Variants in TENT4B observed in about 807,000 individuals in gnomAD.
The protein encoded by TENT4B is terminal nucleotidyltransferase 4B, also known as PAP associated domain containing 5.
In TENT4B, 10 loss-of-function variants were observed where a neutral mutation model predicts 75.0. The observed-to-expected ratio is 0.13, with a 90% CI of 0.08 to 0.23. The LOEUF (loss-of-function observed/expected upper bound fraction) is 0.23. Ranked by LOEUF, TENT4B falls within the 10% of genes least tolerant of loss-of-function variation. The pLI is 1.00. For missense variants in TENT4B, 579 were observed against 893.8 expected (o/e 0.65, Z 4.49); for synonymous variants, 350 against 357.7 (o/e 0.98, Z 0.24).
intron 2 of TENT4B, among the ~76,000 whole-genome samples, chr16:50,212,429 C>T (rs1177376599): frequency 6.6e-6 from 1 of 152,072 alleles, no homozygotes; most frequent in East Asian, 1.9e-4. Context: ...TTTGTGTATG[C>T]AAAGAAGTAC....
At chr16:50,182,053 G>A (rs2038425961) in intron 1 of TENT4B, among the ~76,000 whole-genome samples, 1 of 152,152 alleles carries the variant, frequency 6.6e-6, no homozygotes, top group African/African-American at 2.4e-5. Flanking sequence ...GATTGCTTGA[G>A]CTCAGGAGTT....
intron 5 of TENT4B, among the ~76,000 whole-genome samples, chr16:50,221,918 C>T (rs1488835738): frequency 1.3e-5 from 2 of 152,094 alleles, no homozygotes; most frequent in Non-Finnish European, 1.5e-5. Context: ...CTCCCACCAC[C>T]ACTCCTGGCT....
intron 5 of TENT4B, among the ~76,000 whole-genome samples, chr16:50,218,662 T>G (rs899456745): frequency 6.6e-6 from 1 of 152,208 alleles, no homozygotes; most frequent in African/African-American, 2.4e-5. Context: ...GTACTTTTTT[T>G]TTTCCTAAAC....
intron 1 of TENT4B, among the ~76,000 whole-genome samples, chr16:50,184,721 ATTTTG>A (rs201803241): frequency 6.7e-6 from 1 of 150,154 alleles, no homozygotes; most frequent in Non-Finnish European, 1.5e-5. Context: ...GTTTTTTTTT[ATTTTG>A]TTTTGTTTTG....
chr16:50,215,790 C>A (rs955320494), intron 3 of TENT4B, among the ~76,000 whole-genome samples: 2 of 152,126 alleles, frequency 1.3e-5, no homozygotes, highest in African/African-American at 4.8e-5. Context: ...AAAGAAAATA[C>A]ATGAAGTGCT....
At chr16:50,166,780 A>ATTTTTTTTT (rs57856238) in intron 1 of TENT4B, among the ~76,000 whole-genome samples, 33 of 115,268 alleles carry the variant, frequency 2.9e-4, no homozygotes, top group African/African-American at 8.3e-4. Context: ...TGCCTGGCTA[A>ATTTTTTTTT]TTTTTTTTTT....
At chr16:50,183,521 C>CTT (rs34736585) in intron 1 of TENT4B, among the ~76,000 whole-genome samples, 60 of 119,628 alleles carry the variant, frequency 5.0e-4, no homozygotes, top group African/African-American at 1.5e-3. Context: ...CTTAAAAACC[C>CTT]TTTTTTTTTT....
Position 50,222,359 on chromosome 16 carries a change from G to A in TENT4B, c.1092G>A (p.Gln364=). ...TAGTATTGAAACAATTCCTATTGCA[G>A]AGGGACCTTAATGAAGTATTTACAG... ...LVLVLKQFLL[Q]RDLNEVFTGG... The change falls in exon 6 of 12, where the codon CAG becomes CAA. Residue 364 remains glutamine, a synonymous_variant. Coordinates refer to ENST00000561678, the MANE Select transcript of TENT4B (RefSeq NM_001365324.3). 1 of 1,611,564 alleles carries A rather than the reference G, an allele frequency of 6.2e-7. No homozygotes were observed. Among genetic ancestry groups the A allele is most frequent in the South Asian group, 1.1e-5 (1 of 90,710 alleles).
At chr16:50,207,898 C>T (rs956533686) in intron 1 of TENT4B, among the ~76,000 whole-genome samples, 5 of 152,222 alleles carry the variant, frequency 3.3e-5, no homozygotes, top group Non-Finnish European at 7.3e-5. Context: ...ATATGCAAGG[C>T]ACTGTGCCAG....
At position 50,153,317 on chromosome 16, in the gene TENT4B, C is replaced by T. The variant is rs1244510643; in HGVS notation, c.-305C>T. 6.9e-6 allele frequency among the ~76,000 whole-genome samples: 1 copy of T among 145,260 alleles called. No individual in the cohort carries two copies. The highest frequency in any genetic ancestry group is 2.1e-4 in the South Asian group (1 of 4,752). ...CGCCGCCGCTCGCTCTTCTGTGGAG[C>T]CGCCGCCGCCGCCGCCGCCATTTGC... is the stretch of plus-strand genomic sequence containing the variant. On this transcript the variant is annotated 5_prime_UTR_variant, in exon 1 of 12. Transcript: ENST00000561678.
intron 1 of TENT4B, among the ~76,000 whole-genome samples, chr16:50,169,734 G>C (rs1045580837): frequency 6.6e-6 from 1 of 152,190 alleles, no homozygotes; most frequent in Non-Finnish European, 1.5e-5. Flanking sequence ...AAGCAAGGCA[G>C]GTCACAGGAA....
At position 50,229,901 on chromosome 16, in the gene TENT4B, T is replaced by C. The variant is rs1054690764; in HGVS notation, c.*573T>C. 3.3e-6 allele frequency: 3 copies of C among 917,580 alleles called. No homozygotes were observed. The African/African-American group carries it at 5.4e-5, about 17-fold the overall frequency. The allele number at this position is 917,580 out of a possible 1,614,324, so 56.8% of individuals were successfully genotyped here. On this transcript the variant is annotated 3_prime_UTR_variant, in exon 12 of 12. Coordinates refer to ENST00000561678, the MANE Select transcript of TENT4B (RefSeq NM_001365324.3). ...GTTAATAATACTTTTTACATAACAT[T>C]ACTGTTTAAATTGTAAACAGATTTT...
chr16:50,230,623 C>G lies in TENT4B; in HGVS notation c.*1295C>G. 1.0e-6 allele frequency: 1 copy of G among 984,474 alleles called. No individual in the cohort carries two copies. Among genetic ancestry groups the G allele is most frequent in the Non-Finnish European group, 1.2e-6 (1 of 828,770 alleles). 61.0% of individuals were successfully genotyped at this position (984,474 alleles called of 1,614,324 possible). ...ATTAAGACCAAATACTTCTTGTCAT[C>G]CCATTCTTTATCCTCTTCTTTCATG... On this transcript the variant is annotated 3_prime_UTR_variant, in exon 12 of 12. Coordinates refer to ENST00000561678, the MANE Select transcript of TENT4B (RefSeq NM_001365324.3).
chr16:50,198,791 C>G (rs750917883), intron 1 of TENT4B, among the ~76,000 whole-genome samples: 4 of 152,150 alleles, frequency 2.6e-5, no homozygotes, highest in Non-Finnish European at 1.5e-5. Flanking sequence ...ATAGATTTTA[C>G]ATGAATTTTA....
intron 1 of TENT4B, among the ~76,000 whole-genome samples, chr16:50,176,494 CTTTTTTTT>C (rs34067223): frequency 2.6e-4 from 14 of 53,092 alleles, no homozygotes; most frequent in African/African-American, 1.0e-3. Flanking sequence ...ACCAATAATT[CTTTTTTTT>C]TTTTTTTTTT....
intron 10 of TENT4B, among the ~76,000 whole-genome samples, chr16:50,225,733 A>G (rs1474505454): frequency 1.4e-5 from 2 of 148,140 alleles, no homozygotes; most frequent in African/African-American, 5.0e-5. Context: ...CCCAGGCTGG[A>G]GTGCAGTGGT....
At position 50,218,655 on chromosome 16, in the gene TENT4B, C is replaced by CT. The variant is rs1015554882; in HGVS notation, c.1038+1002dup. On this transcript the variant is annotated intron_variant, in intron 5 of 11. Coordinates refer to ENST00000561678, the MANE Select transcript of TENT4B (RefSeq NM_001365324.3). ...GCGTGAGCCACCGTGCCCAGCTGTA[C>CT]TTTTTTTTTTCCTAAACAGGAAATA... is the stretch of plus-strand genomic sequence containing the variant. Among the ~76,000 whole-genome samples, 58 of 150,278 alleles carry CT rather than the reference C, an allele frequency of 3.9e-4. No individual in the cohort carries two copies. The East Asian group carries it at 5.6e-3, about 15-fold the overall frequency.
In TENT4B at chr16:50,232,502, A is replaced by C; in HGVS notation, c.*3174A>C. On this transcript the variant is annotated 3_prime_UTR_variant, in exon 12 of 12. Transcript: ENST00000561678. Reference sequence around the variant, plus strand: ...TTGTCTTTTTCTGCTGGAACCTTATATCTCTCCATGTGTTTTCTGCTCCTT... The same window carrying C: ...TTGTCTTTTTCTGCTGGAACCTTATCTCTCTCCATGTGTTTTCTGCTCCTT... 3 of 985,260 alleles carry C rather than the reference A, an allele frequency of 3.0e-6. No homozygotes were observed. The highest frequency in any genetic ancestry group is 3.6e-6 in the Non-Finnish European group (3 of 829,910). 61.0% of individuals were successfully genotyped at this position (985,260 alleles called of 1,614,324 possible). A position where few individuals can be genotyped will look rare whatever the true frequency, so the allele number is the denominator to read the frequency against.
intron 1 of TENT4B, among the ~76,000 whole-genome samples, chr16:50,203,897 C>T (rs1042435894): frequency 3.3e-5 from 5 of 152,212 alleles, no homozygotes; most frequent in Admixed American, 2.0e-4. Context: ...GACTGCTCTG[C>T]CACGGGTAGG....
Sources: allele counts gnomAD v4.1 joint callset (sites outside exome capture counted in the v4.1 genomes callset), GRCh38; gene constraint gnomAD v4.1.1; transcripts MANE v1.5; gene names NCBI Gene and HGNC (gene_info 2026-07-23, HGNC 2026-07-21).